NRXN3: variants seen among roughly 807,000 people sequenced by gnomAD.
NRXN3 encodes the protein neurexin III.
A neutral mutation model predicts 137.6 loss-of-function variants in NRXN3; 32 were observed. That is an observed-to-expected ratio of 0.23 (90% confidence interval 0.18 to 0.31). NRXN3 has a LOEUF of 0.31. Among genes scored for constraint, NRXN3 ranks in the 10% least tolerant of loss-of-function variants. The pLI is 1.00. For synonymous variants in NRXN3, 798 were observed against 784.5 expected (o/e 1.02, Z -0.29); for missense variants, 1,574 against 2,062.5 (o/e 0.76, Z 4.59).
At chr14:79,754,548 A>G (rs2099011972) in intron 19 of NRXN3, among the ~76,000 whole-genome samples, 1 of 77,740 alleles carries the variant, frequency 1.3e-5, no homozygotes, top group Non-Finnish European at 2.6e-5. Context: ...ATATATATAT[A>G]TATATATATA....
chr14:78,456,817 C>CTT (rs1404042271), intron 4 of NRXN3, among the ~76,000 whole-genome samples: 1 of 121,524 alleles, frequency 8.2e-6, no homozygotes, highest in African/African-American at 2.7e-5. Flanking sequence ...TTCTTTCTTT[C>CTT]TTTCTTTCTT....
intron 4 of NRXN3, among the ~76,000 whole-genome samples, chr14:78,413,032 T>C (rs1401348037): frequency 1.3e-5 from 2 of 152,332 alleles, no homozygotes; most frequent in East Asian, 3.9e-4. Context: ...TTTGTCTTCT[T>C]ACCTTTGCTT....
chr14:78,837,109 T>A (rs1392795347), intron 10 of NRXN3, among the ~76,000 whole-genome samples: 2 of 152,176 alleles, frequency 1.3e-5, no homozygotes, highest in Non-Finnish European at 2.9e-5. Context: ...GAGGCTACAG[T>A]ATGAATGAAA....
intron 1 of NRXN3, among the ~76,000 whole-genome samples, chr14:78,218,855 G>A (rs978387317): frequency 6.6e-6 from 1 of 152,200 alleles, no homozygotes; most frequent in Non-Finnish European, 1.5e-5. Context: ...ACTACAGACT[G>A]GGTGGCTTAA....
chr14:79,005,680 C>T (rs113615571), intron 15 of NRXN3, among the ~76,000 whole-genome samples: 3,274 of 152,230 alleles, frequency 0.022, 100 homozygotes, highest in African/African-American at 0.06. Context: ...TTGATTTGGG[C>T]TTACCTTCCT....
At chr14:79,156,339 T>C (rs2060253498) in intron 15 of NRXN3, among the ~76,000 whole-genome samples, 1 of 151,826 alleles carries the variant, frequency 6.6e-6, no homozygotes, top group African/African-American at 2.4e-5. Flanking sequence ...ATCTTATTAC[T>C]TAAAAAAGTA....
At chr14:78,703,559 A>G (rs2098312358) in intron 6 of NRXN3, 3 of 152,202 alleles carry the variant, frequency 2.0e-5, no homozygotes. Context: ...TGGAAGGGAG[A>G]TAAGTATATA....
At chr14:79,454,720 C>T (rs1343139500) in intron 15 of NRXN3, among the ~76,000 whole-genome samples, 1 of 152,012 alleles carries the variant, frequency 6.6e-6, no homozygotes, top group Non-Finnish European at 1.5e-5. Context: ...TTGATAATCT[C>T]TATCATATTT....
intron 8 of NRXN3, among the ~76,000 whole-genome samples, chr14:78,764,935 C>G (rs918717929): frequency 6.6e-6 from 1 of 152,152 alleles, no homozygotes; most frequent in Admixed American, 6.5e-5. Flanking sequence ...TGGGGGCATA[C>G]TTGCAAACAA....
chr14:79,833,846 T>C (rs1237323931), intron 20 of NRXN3, among the ~76,000 whole-genome samples: 1 of 152,138 alleles, frequency 6.6e-6, no homozygotes, highest in African/African-American at 2.4e-5. Flanking sequence ...ATTATGCAAA[T>C]GCTGCACAAT....
intron 20 of NRXN3, among the ~76,000 whole-genome samples, chr14:79,853,357 A>T (rs904199806): frequency 8.5e-5 from 13 of 152,166 alleles, no homozygotes; most frequent in African/African-American, 2.4e-4. Context: ...AAAAAGTTTA[A>T]CTGTTTTTAT....
At chr14:78,443,758 T>C (rs982073568) in intron 4 of NRXN3, among the ~76,000 whole-genome samples, 11 of 152,334 alleles carry the variant, frequency 7.2e-5, no homozygotes, top group African/African-American at 2.4e-4. Context: ...AAAGTTTATA[T>C]GAAATAATGT....
At chr14:78,197,846 G>T (rs573652924) in intron 1 of NRXN3, among the ~76,000 whole-genome samples, 13 of 152,302 alleles carry the variant, frequency 8.5e-5, no homozygotes, top group African/African-American at 2.4e-4. Context: ...GTCCATGGGG[G>T]ATGTAGCTGT....
intron 10 of NRXN3, among the ~76,000 whole-genome samples, chr14:78,855,785 T>C (rs2099055410): frequency 6.6e-6 from 1 of 152,192 alleles, no homozygotes; most frequent in Non-Finnish European, 1.5e-5. Context: ...TCCTAGAATA[T>C]ACAGATTTTT....
intron 15 of NRXN3, among the ~76,000 whole-genome samples, chr14:79,365,749 A>AAAAAAAAAAAAAAAAC (rs2093867439): frequency 6.7e-6 from 1 of 149,006 alleles, no homozygotes; most frequent in African/African-American, 2.4e-5. Context: ...AAAAAAGAAA[A>AAAAAAAAAAAAAAAAC]AAAAGAAGAG....
intron 15 of NRXN3, among the ~76,000 whole-genome samples, chr14:79,330,791 A>G (rs369591442): frequency 2.6e-5 from 4 of 152,348 alleles, no homozygotes; most frequent in African/African-American, 7.2e-5. Context: ...AATTAAGTAG[A>G]TATTTCACTT....
At chr14:79,425,814 A>G (rs1307109291) in intron 15 of NRXN3, among the ~76,000 whole-genome samples, 1 of 152,206 alleles carries the variant, frequency 6.6e-6, no homozygotes, top group East Asian at 1.9e-4. Flanking sequence ...CCAGAGTCAC[A>G]TAGCAAGTTG....
chr14:79,030,633 G>GTTTT (rs1595130030), intron 15 of NRXN3, among the ~76,000 whole-genome samples: 1 of 34,254 alleles, frequency 2.9e-5, no homozygotes, highest in African/African-American at 1.3e-4. Flanking sequence ...CTTTCTCTGT[G>GTTTT]TCTTTTTTTT....
Position 78,352,447 on chromosome 14 carries a change from G to A in NRXN3, c.757+54587G>A, listed in dbSNP as rs573367937. ...CACTTTACCCTGCCCCCATGCCCAT[G>A]TAGCACCATTGGTGACCTTCTCCTA... On this transcript the variant is annotated intron_variant, in intron 4 of 20. Transcript: ENST00000335750. Among the ~76,000 whole-genome samples the A allele has an allele frequency of 7.9e-4, 120 of 152,244 alleles. 1 individual carries two copies. The highest frequency in any genetic ancestry group is 3.9e-3 in the South Asian group (19 of 4,824).
Sources: gnomAD v4.1 joint callset for allele counts (sites outside exome capture counted in the v4.1 genomes callset) on GRCh38, gnomAD v4.1.1 for gene constraint, MANE v1.5 for transcripts, NCBI Gene and HGNC (gene_info 2026-07-23, HGNC 2026-07-21) for gene names.